The following SYTL2 variants were observed in gnomAD, a reference collection of about 807,000 sequenced individuals.
SYTL2 encodes synaptotagmin-like protein 2.
SYTL2 carries 165 observed loss-of-function variants against 198.7 expected under a neutral mutation model. The ratio of observed to expected loss-of-function variants is 0.83; its 90% CI spans 0.73 to 0.94. SYTL2 has a LOEUF of 0.94. Ranked by LOEUF, SYTL2 falls within the 40% of genes least tolerant of loss-of-function variation. The probability of loss-of-function intolerance (pLI) is 0.00; values close to 1 mark genes in which losing one functional copy is unlikely to be tolerated. For synonymous variants in SYTL2, 966 were observed against 917.7 expected (o/e 1.05, Z -0.95); for missense variants, 2,835 against 2,582.8 (o/e 1.10, Z -2.12).
Position 85,707,489 on chromosome 11 carries a change from G to A in SYTL2, c.5958C>T (p.Gly1986=), listed in dbSNP as rs754917343. Reference sequence around the variant, plus strand: ...TCTTCACTACGAGTGTTTTCTTCTTGCCCATTTTGCCTTTGTCTGGTAGCA... The same window carrying A: ...TCTTCACTACGAGTGTTTTCTTCTTACCCATTTTGCCTTTGTCTGGTAGCA... ...AYLLPDKGKM[G]KKKTLVVKKT... The change falls in exon 15 of 20, where the codon GGC becomes GGT. Residue 1986 remains glycine (G), a synonymous_variant. Coordinates refer to ENST00000359152, the MANE Select transcript of SYTL2 (RefSeq NM_206927.4). 3.1e-6 allele frequency: 5 copies of A among 1,613,642 alleles called. No homozygotes were observed. The highest frequency in any genetic ancestry group is 4.2e-6 in the Non-Finnish European group (5 of 1,179,840).
rs1327056550 is a variant in SYTL2, at chr11:85,734,467, G to A, written c.862C>T (p.Leu288Phe). ...SSSSSTDSET[L>F]RYNHNFEPKS... is the part of the protein sequence containing the mutation. ...GGTTCAAAGTTGTGATTATAACGAA[G>A]GGTTTCTGAGTCTGTGCTACTGGAA... Residue 288 changes from leucine (L) to phenylalanine (F), a missense_variant, in exon 7 of 20, where the codon CTT (leucine) becomes TTT (phenylalanine). Leu to Phe is a conservative substitution (Grantham distance 22). Coordinates refer to ENST00000359152, the MANE Select transcript of SYTL2 (RefSeq NM_206927.4). 4 of 1,614,208 alleles carry A rather than the reference G, an allele frequency of 2.5e-6. No individual in the cohort carries two copies. In the South Asian group the frequency reaches 4.4e-5, roughly 18 times the overall value.
chr11:85,824,363 G>A, the SYTL2 span, among the ~76,000 whole-genome samples: 1 of 152,032 alleles, frequency 6.6e-6, no homozygotes, highest in Non-Finnish European at 1.5e-5. Flanking sequence ...ATACAAGCAG[G>A]AGGCATCATT....
intron 7 of SYTL2, 35 bp from the exon 8 acceptor site, chr11:85,728,002 G>A (rs768547367): frequency 1.5e-5 from 23 of 1,519,790 alleles, no homozygotes; most frequent in Non-Finnish European, 1.9e-5. Flanking sequence ...AATAAGAAAA[G>A]AGCATGCTTA....
chr11:85,725,108 A>G lies in SYTL2; in HGVS notation c.4250T>C (p.Ile1417Thr), dbSNP rs1420870549. ...VCSPLNPPGV[I>T]SPWATMDTIV... ...GGTGTCCATCGTAGCCCATGGTGAT[A>G]TCACTCCTGGAGGATTTAGGGGGCT... is the stretch of plus-strand genomic sequence containing the variant. Residue 1417 changes from isoleucine (I) to threonine (T), a missense_variant, in exon 8 of 20, where the codon ATA becomes ACA. Physicochemically the swap from Ile to Thr is moderately conservative, Grantham distance 89 (BLOSUM62 -1). This residue lies in a region of SYTL2 where 2,645 missense variants were observed against 2,381.7 expected (regional missense o/e 1.11). Coordinates refer to ENST00000359152, the MANE Select transcript of SYTL2 (RefSeq NM_206927.4). The G allele has an allele frequency of 2.5e-6, 4 of 1,614,028 alleles. No homozygotes were observed. The highest frequency in any genetic ancestry group is 4.5e-5 in the East Asian group (2 of 44,892).
chr11:85,821,214 A>T, the SYTL2 span, among the ~76,000 whole-genome samples: 1 of 152,224 alleles, frequency 6.6e-6, no homozygotes, highest in East Asian at 1.9e-4. Context: ...TCTGCATTCT[A>T]CAATTGCCAG....
chr11:85,759,118 C>A (rs972191943), intron 1 of SYTL2, among the ~76,000 whole-genome samples: 2 of 151,694 alleles, frequency 1.3e-5, no homozygotes, highest in Admixed American at 6.6e-5. Flanking sequence ...TGGTGACACA[C>A]GCCTGTAATC....
At chr11:85,782,153 G>A (rs1039212026) in intron 1 of SYTL2, among the ~76,000 whole-genome samples, 1 of 152,246 alleles carries the variant, frequency 6.6e-6, no homozygotes, top group Non-Finnish European at 1.5e-5. Flanking sequence ...AATCTAGGTG[G>A]ACGTTCCCAA....
At chr11:85,800,173 A>C (rs2092864660) in intron 1 of SYTL2, among the ~76,000 whole-genome samples, 1 of 152,172 alleles carries the variant, frequency 6.6e-6, no homozygotes, top group Non-Finnish European at 1.5e-5. Context: ...ACCAAACCAG[A>C]ATCTATCAAA....
chr11:85,854,195 A>T, the SYTL2 span: 1 of 152,178 alleles, frequency 6.6e-6, no homozygotes, highest in Non-Finnish European at 1.5e-5. Flanking sequence ...AAACACCTGC[A>T]ATTCATTAAA....
rs151080096 is a variant in SYTL2, at chr11:85,761,472, G to A, written c.-389-3358C>T. Among the ~76,000 whole-genome samples the A allele has an allele frequency of 6.4e-3, 980 of 152,320 alleles. 6 individuals carry two copies. Among genetic ancestry groups the A allele is most frequent in the South Asian group, 0.027 (130 of 4,826 alleles). ...ATGCCCCCAGGAGAGCAGGAGGAGA[G>A]GAGGCCGGAAAGGACACGGGTAAGA... On this transcript the variant is annotated intron_variant, in intron 1 of 19. Transcript: ENST00000359152.
At chr11:85,826,800 T>C in the SYTL2 span, among the ~76,000 whole-genome samples, 1 of 152,162 alleles carries the variant, frequency 6.6e-6, no homozygotes, top group Non-Finnish European at 1.5e-5. Flanking sequence ...ACATATTCAC[T>C]CCTCGTGAAG....
chr11:85,728,827 A>G (rs547007820), intron 7 of SYTL2, among the ~76,000 whole-genome samples: 105 of 152,326 alleles, frequency 6.9e-4, no homozygotes, highest in Non-Finnish European at 1.4e-3. Context: ...TAAATGGGAA[A>G]ATGAGGATAT....
chr11:85,750,369 C>T (rs1038274917), intron 2 of SYTL2, among the ~76,000 whole-genome samples: 1 of 152,196 alleles, frequency 6.6e-6, no homozygotes, highest in Non-Finnish European at 1.5e-5. Context: ...CTTTCCCTCA[C>T]TTCTCTGTCC....
chr11:85,731,825 A>G (rs1430129989), intron 7 of SYTL2, among the ~76,000 whole-genome samples: 2 of 152,220 alleles, frequency 1.3e-5, no homozygotes, highest in Admixed American at 1.3e-4. Context: ...AATTTTTGCA[A>G]TCTATCCATC....
intron 1 of SYTL2, among the ~76,000 whole-genome samples, chr11:85,758,439 A>G (rs932279414): frequency 1.3e-5 from 2 of 152,260 alleles, no homozygotes; most frequent in African/African-American, 4.8e-5. Context: ...GGTCAGTAAG[A>G]TCAGGGATAT....
At chr11:85,750,990 C>G (rs898361795) in intron 2 of SYTL2, among the ~76,000 whole-genome samples, 7 of 152,040 alleles carry the variant, frequency 4.6e-5, no homozygotes, top group African/African-American at 1.4e-4. Flanking sequence ...CTTGTGCAAC[C>G]CTTGATCTGT....
At chr11:85,738,000 G>A (rs1404381716) in intron 4 of SYTL2, among the ~76,000 whole-genome samples, 1 of 152,236 alleles carries the variant, frequency 6.6e-6, no homozygotes, top group Non-Finnish European at 1.5e-5. Flanking sequence ...TCAGGCACAG[G>A]AGGTGAAGTT....
chr11:85,833,391 A>G, the SYTL2 span, among the ~76,000 whole-genome samples: 1 of 148,326 alleles, frequency 6.7e-6, no homozygotes, highest in South Asian at 2.1e-4. Context: ...TCATATATAT[A>G]TCATACATAC....
intron 1 of SYTL2, among the ~76,000 whole-genome samples, chr11:85,760,967 T>A (rs2092079385): frequency 1.3e-5 from 2 of 152,098 alleles, no homozygotes; most frequent in Non-Finnish European, 2.9e-5. Context: ...CAGTATGAGG[T>A]GCTCACCCAA....
Sources: allele counts gnomAD v4.1 joint callset (sites outside exome capture counted in the v4.1 genomes callset), GRCh38; gene constraint gnomAD v4.1.1; regional missense constraint gnomAD v4.1.1; transcripts MANE v1.5; gene names NCBI Gene and HGNC (gene_info 2026-07-23, HGNC 2026-07-21).